IKBKB: variants seen among roughly 807,000 people sequenced by gnomAD.
IKBKB encodes the protein inhibitor of nuclear factor kappa B kinase subunit beta.
In IKBKB, 42 loss-of-function variants were observed where a neutral mutation model predicts 113.6. The observed-to-expected ratio is 0.37, with a 90% CI of 0.29 to 0.48. IKBKB has a LOEUF of 0.48. IKBKB is among the 20% of genes least tolerant of loss of function. IKBKB has a pLI of 0.99. For synonymous variants in IKBKB, 296 were observed against 361.3 expected (o/e 0.82, Z 2.05); for missense variants, 673 against 939.7 (o/e 0.72, Z 3.71).
chr8:42,323,807 G>T (rs1820224294), intron 19 of IKBKB, among the ~76,000 whole-genome samples: 1 of 152,024 alleles, frequency 6.6e-6, no homozygotes, highest in African/African-American at 2.4e-5. Flanking sequence ...GGAGAGGGAG[G>T]TGCAGGTATG....
At chr8:42,279,843 T>C (rs754047229) in intron 2 of IKBKB, among the ~76,000 whole-genome samples, 23 of 152,100 alleles carry the variant, frequency 1.5e-4, no homozygotes, top group Non-Finnish European at 2.6e-4. Flanking sequence ...CACTTCTTTA[T>C]TGATTTTTTG....
chr8:42,317,083 C>T, intron 11 of IKBKB, 179 bp downstream of exon 11: 1 of 682,362 alleles, frequency 1.5e-6, no homozygotes, highest in Non-Finnish European at 2.7e-6. Flanking sequence ...ATAGGAAACA[C>T]AAATCTCCTT....
intron 2 of IKBKB, among the ~76,000 whole-genome samples, chr8:42,288,380 C>G (rs1371015390): frequency 9.8e-6 from 1 of 101,820 alleles, no homozygotes; most frequent in African/African-American, 2.7e-5. Flanking sequence ...GAGCAAGACT[C>G]CATCTCAAAC....
intron 8 of IKBKB, 119 bp downstream of exon 8, chr8:42,309,144 C>CTCTCGGAA: frequency 8.5e-7 from 1 of 1,177,536 alleles, no homozygotes; most frequent in Non-Finnish European, 1.2e-6. Context: ...GTTTCTCTTC[C>CTCTCGGAA]GAGAGGAAGG....
At chr8:42,325,932 T>C (rs1420013998) in intron 19 of IKBKB, 38 bp from the exon 20 acceptor site, 38 of 1,612,156 alleles carry the variant, frequency 2.4e-5, no homozygotes, top group Non-Finnish European at 3.2e-5. Context: ...ATGTGATTCA[T>C]CACTTGGCTC....
chr8:42,289,018 G>C (rs532439262), intron 3 of IKBKB, among the ~76,000 whole-genome samples: 1 of 151,790 alleles, frequency 6.6e-6, no homozygotes, highest in East Asian at 1.9e-4. Context: ...ACTCTGCTGG[G>C]ATTACTCCAA....
chr8:42,309,320 A>G, intron 8 of IKBKB: 1 of 456,402 alleles, frequency 2.2e-6, no homozygotes, highest in Middle Eastern at 3.2e-4. Flanking sequence ...CTATTGTATG[A>G]ATATACGCAC....
intron 7 of IKBKB, among the ~76,000 whole-genome samples, chr8:42,307,317 G>A (rs1018311050): frequency 6.6e-6 from 1 of 152,184 alleles, no homozygotes; most frequent in Non-Finnish European, 1.5e-5. Flanking sequence ...TGAGAACAAG[G>A]TAGAGCACAG....
At chr8:42,305,934 C>T (rs1816433842) in intron 6 of IKBKB, among the ~76,000 whole-genome samples, 1 of 152,268 alleles carries the variant, frequency 6.6e-6, no homozygotes, top group Non-Finnish European at 1.5e-5. Flanking sequence ...GTGACTACCA[C>T]AGGGCTCGCC....
intron 21 of IKBKB, chr8:42,329,896 C>T (rs1326516311): frequency 4.0e-5 from 39 of 985,324 alleles, no homozygotes; most frequent in Non-Finnish European, 4.7e-5. Context: ...TAATCACTTG[C>T]TAACCTCCCC....
rs752260592 is a variant in IKBKB, at chr8:42,320,862, G to A, written c.1688+18G>A. 6.5e-7 allele frequency: 1 copy of A among 1,528,418 alleles called. No homozygotes were observed. Among genetic ancestry groups the A allele is most frequent in the East Asian group, 2.3e-5 (1 of 43,120 alleles). 94.7% of individuals were successfully genotyped at this position (1,528,418 alleles called of 1,614,324 possible). A position where few individuals can be genotyped will look rare whatever the true frequency, so the allele number is the denominator to read the frequency against. On this transcript the variant is annotated intron_variant, in intron 16 of 21. Coordinates refer to ENST00000520810, the MANE Select transcript of IKBKB (RefSeq NM_001556.3). ...GACGACCTGTGAGTACTGGCTGGGG[G>A]GCCCCTCTGTGCCCAGCACACACAG... is the stretch of plus-strand genomic sequence containing the variant.
chr8:42,325,631 A>G, intron 19 of IKBKB: 1 of 1,030,610 alleles, frequency 9.7e-7, no homozygotes, highest in Non-Finnish European at 1.2e-6. Context: ...GTGAGCCAAG[A>G]TCGCACATCG....
intron 12 of IKBKB, among the ~76,000 whole-genome samples, chr8:42,318,249 C>T (rs1585771835): frequency 6.7e-6 from 1 of 149,154 alleles, no homozygotes; most frequent in African/African-American, 2.5e-5. Flanking sequence ...GTGACAAGAG[C>T]GAGACCTTGT....
chr8:42,317,540 C>T lies in IKBKB; in HGVS notation c.1126-117C>T. ...ACACTTCATGGATGCTTCCTACTTGCTGGCTGAAGATGATGCTCTTGCTGA... is the reference window on the plus strand; with the variant it reads ...ACACTTCATGGATGCTTCCTACTTGTTGGCTGAAGATGATGCTCTTGCTGA... On this transcript the variant is annotated intron_variant, in intron 11 of 21. Coordinates refer to ENST00000520810, the MANE Select transcript of IKBKB (RefSeq NM_001556.3). The T allele has an allele frequency of 4.2e-6, 3 of 707,334 alleles. No homozygotes were observed. The South Asian group carries it at 4.9e-5, about 12-fold the overall frequency. The allele number at this position is 707,334 out of a possible 1,614,324, so 43.8% of individuals were successfully genotyped here.
At chr8:42,324,846 CT>C in intron 19 of IKBKB, 2 of 153,244 alleles carry the variant, frequency 1.3e-5, no homozygotes, top group South Asian at 4.1e-4. Flanking sequence ...CCCTGCCATA[CT>C]TTCGGTCCAG....
rs188860309 is a variant in IKBKB at position 42,321,983 on chromosome 8, A to G, written c.1738+38A>G. The stretch of plus-strand genomic sequence containing the variant: ...CTGTGTCTGCCTTGGGCTTCTCCTT[A>G]TCTCATTTATGGGGCATCACTACTC... On this transcript the variant is annotated intron_variant, in intron 17 of 21. Transcript: ENST00000520810. 2,284 of 1,609,654 alleles carry G rather than the reference A, an allele frequency of 1.4e-3. 8 individuals carry two copies. The highest frequency in any genetic ancestry group is 6.9e-3 in the Middle Eastern group (42 of 6,050).
chr8:42,271,957 A>G, intron 1 of IKBKB, 126 bp from the exon 2 acceptor site: 2 of 1,067,994 alleles, frequency 1.9e-6, no homozygotes, highest in South Asian at 3.3e-5. Flanking sequence ...TTTACAAAAT[A>G]AAAAACCAGT....
At chr8:42,321,980 C>T (rs41305523) in intron 17 of IKBKB, 35 bp downstream of exon 17, 2 of 1,611,108 alleles carry the variant, frequency 1.2e-6, no homozygotes, top group South Asian at 2.2e-5. Context: ...TGGGCTTCTC[C>T]TTATCTCATT....
At chr8:42,281,256 G>A (rs143565808) in intron 2 of IKBKB, among the ~76,000 whole-genome samples, 28 of 152,304 alleles carry the variant, frequency 1.8e-4, no homozygotes, top group African/African-American at 5.8e-4. Flanking sequence ...GCCGACTCAG[G>A]TGGGCAGAGC....
Sources: allele counts gnomAD v4.1 joint callset (sites outside exome capture counted in the v4.1 genomes callset), GRCh38; gene constraint gnomAD v4.1.1; transcripts MANE v1.5; gene names NCBI Gene and HGNC (gene_info 2026-07-23, HGNC 2026-07-21).